The following TBC1D16 variants were observed in gnomAD, a reference collection of about 807,000 sequenced individuals.
The protein encoded by TBC1D16 is TBC1 domain family member 16, also known as CTD-2529O21.1.
Under a neutral mutation model 74.7 loss-of-function variants are expected in TBC1D16, and 58 were observed. That is an observed-to-expected ratio of 0.78 (90% CI 0.63 to 0.97). The LOEUF is 0.97. Among genes scored for constraint, TBC1D16 ranks in the 50% least tolerant of loss-of-function variants. The pLI is 0.00. For missense variants in TBC1D16, 1,014 were observed against 1,079.5 expected (o/e 0.94, Z 0.85); for synonymous variants, 493 against 474.7 (o/e 1.04, Z -0.50).
intron 3 of TBC1D16, among the ~76,000 whole-genome samples, chr17:79,967,329 ATCTC>A (rs766138796): frequency 1.3e-5 from 2 of 152,198 alleles, no homozygotes; most frequent in African/African-American, 4.8e-5. Context: ...GAGTAAAACT[ATCTC>A]TATTAACAGA....
In TBC1D16 at chr17:79,988,418, A is replaced by G. The variant is rs147580201; in HGVS notation, c.779+21742T>C. Among the ~76,000 whole-genome samples the G allele has an allele frequency of 5.8e-4, 89 of 152,354 alleles. No homozygotes were observed. The highest frequency in any genetic ancestry group is 2.1e-3 in the African/African-American group (86 of 41,578). ...CTTTTGTCGACTGTAGAGAGCTATG[A>G]GTCAGGTCCAAGCTCCACTGGGCGT... is the stretch of plus-strand genomic sequence containing the variant. On this transcript the variant is annotated intron_variant, in intron 3 of 11. Transcript: ENST00000310924. The surrounding 1 kb of genome is among the most constrained non-coding windows in gnomAD (Gnocchi z 5.7).
intron 3 of TBC1D16, among the ~76,000 whole-genome samples, chr17:79,967,945 A>G (rs1027681999): frequency 3.9e-5 from 6 of 152,250 alleles, no homozygotes; most frequent in Admixed American, 1.3e-4. Context: ...TTTATGGTCA[A>G]TTGTTTCCAA....
intron 1 of TBC1D16, among the ~76,000 whole-genome samples, chr17:80,016,573 C>T (rs969455847): frequency 2.3e-4 from 35 of 149,286 alleles, no homozygotes; most frequent in Non-Finnish European, 5.2e-4. Context: ...AAGTCCCTTT[C>T]ACCTCCAGCA....
In TBC1D16 at chr17:80,008,608, C is replaced by G. The variant is rs897055834; in HGVS notation, c.779+1552G>C. Among the ~76,000 whole-genome samples, 1 of 152,104 alleles carries G rather than the reference C, an allele frequency of 6.6e-6. No individual in the cohort carries two copies. Among genetic ancestry groups the G allele is most frequent in the African/African-American group, 2.4e-5 (1 of 41,414 alleles). ...GGGAGCTCCGACTGAGTCCGGCCTG[C>G]GGGACCCAGGCCAGGACCAGAGTTC... On this transcript the variant is annotated intron_variant, in intron 3 of 11. Transcript: ENST00000310924. This position sits in a 1 kb window ranked among gnomAD's most constrained non-coding sequence, Gnocchi z 4.5.
chr17:80,007,357 T>C lies in TBC1D16; in HGVS notation c.779+2803A>G, dbSNP rs538500407. Among the ~76,000 whole-genome samples, 1 of 152,316 alleles carries C rather than the reference T, an allele frequency of 6.6e-6. No homozygotes were observed. Among genetic ancestry groups the C allele is most frequent in the East Asian group, 1.9e-4 (1 of 5,184 alleles). Reference sequence around the variant, plus strand: ...CGCCGACTCTGCCCTACAAGGGGGTTCTTGGCCGCACTTCACACCCGTGAG... The same window carrying C: ...CGCCGACTCTGCCCTACAAGGGGGTCCTTGGCCGCACTTCACACCCGTGAG... On this transcript the variant is annotated intron_variant, in intron 3 of 11. Coordinates refer to ENST00000310924, the MANE Select transcript of TBC1D16 (RefSeq NM_019020.4). This position sits in a 1 kb window ranked among gnomAD's most constrained non-coding sequence, Gnocchi z 4.5.
At position 80,008,400 on chromosome 17, in the gene TBC1D16, G is replaced by C. The variant is rs148886766; in HGVS notation, c.779+1760C>G. The stretch of plus-strand genomic sequence containing the variant: ...CCCTACGAGATGGGGCTGCGGGACA[G>C]AGAGCTGACCGGCCAGCTTCTGGTT... On this transcript the variant is annotated intron_variant, in intron 3 of 11. Transcript: ENST00000310924. The surrounding 1 kb of genome is among the most constrained non-coding windows in gnomAD (Gnocchi z 4.5). Among the ~76,000 whole-genome samples the C allele has an allele frequency of 7.8e-3, 1,182 of 152,276 alleles. 13 individuals carry two copies. Among genetic ancestry groups the C allele is most frequent in the Non-Finnish European group, 9.4e-3 (642 of 68,002 alleles).
At position 79,947,870 on chromosome 17, in the gene TBC1D16, C is replaced by G. The variant is rs369523336; in HGVS notation, c.1542-39G>C. Reference sequence around the variant, plus strand: ...GAGACAGCAGTGGGTGGGGATGACCCTCACCGCGGCACACTGCCCAGCCTG... The same window carrying G: ...GAGACAGCAGTGGGTGGGGATGACCGTCACCGCGGCACACTGCCCAGCCTG... On this transcript the variant is annotated intron_variant, in intron 8 of 11. Coordinates refer to ENST00000310924, the MANE Select transcript of TBC1D16 (RefSeq NM_019020.4). 9.6e-6 allele frequency: 15 copies of G among 1,567,412 alleles called. No individual in the cohort carries two copies. The Admixed American group carries it at 1.0e-4, about 11-fold the overall frequency.
At chr17:79,945,961 C>T (rs2032501238) in intron 9 of TBC1D16, among the ~76,000 whole-genome samples, 1 of 152,172 alleles carries the variant, frequency 6.6e-6, no homozygotes, top group South Asian at 2.1e-4. Flanking sequence ...TGCGGCCAGC[C>T]CTCCGCCCTG....
At chr17:79,989,919 C>T (rs1427566460) in intron 3 of TBC1D16, among the ~76,000 whole-genome samples, 2 of 152,110 alleles carry the variant, frequency 1.3e-5, no homozygotes, top group Non-Finnish European at 2.9e-5. Flanking sequence ...CCCCACCCTC[C>T]TGGGGTGGCT....
In TBC1D16 at chr17:79,948,904, C is replaced by G. The variant is rs893514699; in HGVS notation, c.1509G>C (p.Arg503=). The G allele has an allele frequency of 1.2e-6, 2 of 1,614,022 alleles. No individual in the cohort carries two copies. Among genetic ancestry groups the G allele is most frequent in the Admixed American group, 3.3e-5 (2 of 60,004 alleles). The part of the protein sequence containing the change: ...VRTDRNNQFF[R]GEDNPNVESM... ...TCTCCACATTGGGATTGTCTTCCCC[C>G]CGGAAGAACTGGTTGTTCCGATCTG... The change falls in exon 8 of 12, where the codon CGG becomes CGC. Residue 503 remains arginine, a synonymous_variant. Transcript: ENST00000310924.
intron 3 of TBC1D16, among the ~76,000 whole-genome samples, chr17:79,964,558 T>C (rs936075446): frequency 2.6e-5 from 4 of 152,190 alleles, no homozygotes; most frequent in Non-Finnish European, 5.9e-5. Context: ...GATGGATCTG[T>C]TCATTATCTT....
At chr17:79,984,560 AAG>A (rs1555877045) in intron 3 of TBC1D16, among the ~76,000 whole-genome samples, 4 of 132,582 alleles carry the variant, frequency 3.0e-5, no homozygotes, top group Non-Finnish European at 6.7e-5. Flanking sequence ...AAAAGAAAGA[AAG>A]AGAGAGAGAG....
At position 80,027,679 on chromosome 17, in the gene TBC1D16, G is replaced by A. The variant is rs890688440; in HGVS notation, c.-63+8116C>T. 2.0e-5 allele frequency among the ~76,000 whole-genome samples: 3 copies of A among 150,842 alleles called. No homozygotes were observed. In the South Asian group the frequency reaches 6.3e-4, roughly 32 times the overall value. ...AGGCTGAGGCGGCAGATCGCTTGAG[G>A]TCAGGAGTTTGAGACCAGCCTGGCC... On this transcript the variant is annotated intron_variant, in intron 1 of 11. Transcript: ENST00000310924.
chr17:80,007,106 A>G lies in TBC1D16; in HGVS notation c.779+3054T>C, dbSNP rs2035704017. ...CCACATCCACCTCGTCCCAGCACAA[A>G]GCTGCAACTCGCCACGTTCAGCGAG... On this transcript the variant is annotated intron_variant, in intron 3 of 11. Coordinates refer to ENST00000310924, the MANE Select transcript of TBC1D16 (RefSeq NM_019020.4). This position sits in a 1 kb window ranked among gnomAD's most constrained non-coding sequence, Gnocchi z 4.5. Among the ~76,000 whole-genome samples the G allele has an allele frequency of 6.6e-6, 1 of 152,194 alleles. No homozygotes were observed. The highest frequency in any genetic ancestry group is 2.4e-5 in the African/African-American group (1 of 41,440).
chr17:80,007,364 C>T lies in TBC1D16; in HGVS notation c.779+2796G>A, dbSNP rs542340585. Among the ~76,000 whole-genome samples, 19 of 152,330 alleles carry T rather than the reference C, an allele frequency of 1.2e-4. No individual in the cohort carries two copies. Among genetic ancestry groups the T allele is most frequent in the East Asian group, 7.7e-4 (4 of 5,178 alleles). ...TCTGCCCTACAAGGGGGTTCTTGGC[C>T]GCACTTCACACCCGTGAGGCATCTG... is the stretch of plus-strand genomic sequence containing the variant. On this transcript the variant is annotated intron_variant, in intron 3 of 11. Coordinates refer to ENST00000310924, the MANE Select transcript of TBC1D16 (RefSeq NM_019020.4). This position sits in a 1 kb window ranked among gnomAD's most constrained non-coding sequence, Gnocchi z 4.5.
At position 80,010,334 on chromosome 17, in the gene TBC1D16, G is replaced by C. The variant is rs747788377; in HGVS notation, c.605C>G (p.Pro202Arg). 2 of 1,610,764 alleles carry C rather than the reference G, an allele frequency of 1.2e-6. No individual in the cohort carries two copies. The highest frequency in any genetic ancestry group is 1.7e-6 in the Non-Finnish European group (2 of 1,178,708). Residue 202 changes from proline to arginine, a missense_variant, in exon 3 of 12, where the codon CCG becomes CGG. Transcript: ENST00000310924. The surrounding 1 kb of genome is among the most constrained non-coding windows in gnomAD (Gnocchi z 8.8). ...ATCCTCCTCCCCGGCCTCGGGCCGCGGCTCCCGCCCCTCCTCGGTGACATC... is the reference window on the plus strand; with the variant it reads ...ATCCTCCTCCCCGGCCTCGGGCCGCCGCTCCCGCCCCTCCTCGGTGACATC... ...PQDVTEEGRE[P>R]RPEAGEEDGS...
intron 9 of TBC1D16, among the ~76,000 whole-genome samples, chr17:79,946,644 G>A (rs1367521331): frequency 6.6e-6 from 1 of 152,198 alleles, no homozygotes; most frequent in Admixed American, 6.5e-5. Context: ...TGTCCTGGGG[G>A]TGGGGACCCC....
Position 79,944,053 on chromosome 17 carries a change from C to A in TBC1D16, c.1908+855G>T. The A allele has an allele frequency of 6.5e-7, 1 of 1,535,912 alleles. No homozygotes were observed. The highest frequency in any genetic ancestry group is 8.7e-7 in the Non-Finnish European group (1 of 1,146,796). ...AGCCGATGACCGCATGCAAAGGCGG[C>A]GTGTGGTACCGGCACTCGGTGGCTT... On this transcript the variant is annotated intron_variant, in intron 10 of 11. Transcript: ENST00000310924. The surrounding 1 kb of genome is among the most constrained non-coding windows in gnomAD (Gnocchi z 7.7).
At chr17:80,033,253 A>G (rs1488000458) in intron 1 of TBC1D16, among the ~76,000 whole-genome samples, 2 of 152,222 alleles carry the variant, frequency 1.3e-5, no homozygotes, top group Non-Finnish European at 2.9e-5. Flanking sequence ...GCTTTTCATA[A>G]TCCTTGCACA....
Sources: gnomAD v4.1 joint callset for allele counts (sites outside exome capture counted in the v4.1 genomes callset) on GRCh38, gnomAD v4.1.1 for gene constraint, Gnocchi (gnomAD v3.1) non-coding constraint, MANE v1.5 for transcripts, NCBI Gene and HGNC (gene_info 2026-07-23, HGNC 2026-07-21) for gene names.